ATF7IP: variants seen among roughly 807,000 people sequenced by gnomAD.
ATF7IP encodes activating transcription factor 7 interacting protein.
A neutral mutation model predicts 106.4 loss-of-function variants in ATF7IP; 23 were observed. That is an observed-to-expected ratio of 0.22 (90% confidence interval 0.16 to 0.31). The LOEUF is 0.31. Ranked by LOEUF, ATF7IP falls within the 10% of genes least tolerant of loss-of-function variation. The probability of loss-of-function intolerance (pLI) is 1.00; values close to 1 mark genes in which losing one functional copy is unlikely to be tolerated. For missense variants in ATF7IP, 1,334 were observed against 1,524.3 expected, an observed-to-expected ratio of 0.88 and a Z score of 2.08; for synonymous variants, 542 against 539.0, an observed-to-expected ratio of 1.01 and a Z score of -0.08.
rs563987058 is a variant in ATF7IP, at chr12:14,404,847, A to G, written c.-7-19062A>G. ...GACCACTGGCTTATTTGATATGATG[A>G]TTAGGAGGTTAAGAGAGTTTCCAAA... On this transcript the variant is annotated intron_variant, in intron 1 of 14. Transcript: ENST00000261168. 5.4e-5 allele frequency among the ~76,000 whole-genome samples: 8 copies of G among 148,760 alleles called. No homozygotes were observed. The East Asian group carries it at 1.6e-3, about 29-fold the overall frequency.
chr12:14,482,189 G>T (rs149619305), intron 13 of ATF7IP: 1 of 152,220 alleles, frequency 6.6e-6, no homozygotes, highest in African/African-American at 2.4e-5. Context: ...GGTAACCACT[G>T]TTCCTACTTT....
intron 6 of ATF7IP, among the ~76,000 whole-genome samples, chr12:14,455,573 T>G (rs1048596827): frequency 3.3e-5 from 5 of 152,158 alleles, no homozygotes; most frequent in Non-Finnish European, 7.4e-5. Context: ...AGAGATATTT[T>G]ATTCTTCCAT....
chr12:14,466,814 T>A (rs557500285), intron 10 of ATF7IP, among the ~76,000 whole-genome samples: 156 of 152,224 alleles, frequency 1.0e-3, no homozygotes, highest in African/African-American at 3.6e-3. Context: ...AATAATTAGT[T>A]TATTCTATTA....
At chr12:14,367,547 A>T (rs914227904) in intron 1 of ATF7IP, 1 of 152,118 alleles carries the variant, frequency 6.6e-6, no homozygotes, top group Non-Finnish European at 1.5e-5. Context: ...GAACATACAC[A>T]TAAATATTTC....
chr12:14,462,780 TA>T (rs1478325669), intron 9 of ATF7IP, among the ~76,000 whole-genome samples: 2 of 152,012 alleles, frequency 1.3e-5, no homozygotes, highest in African/African-American at 4.8e-5. Flanking sequence ...CATTAATTGG[TA>T]TAGCATTCTG....
chr12:14,465,622 A>C (rs1236402117), intron 9 of ATF7IP, among the ~76,000 whole-genome samples: 1 of 152,158 alleles, frequency 6.6e-6, no homozygotes, highest in Admixed American at 6.5e-5. Flanking sequence ...CATTCTTTTT[A>C]CTTCTGTACC....
intron 4 of ATF7IP, among the ~76,000 whole-genome samples, chr12:14,437,090 G>A (rs79118148): frequency 3.3e-5 from 5 of 152,074 alleles, no homozygotes; most frequent in African/African-American, 9.7e-5. Flanking sequence ...TTTAGAATAC[G>A]GAGTTTGAAA....
rs540690938 is a variant in ATF7IP at position 14,407,661 on chromosome 12, A to T, written c.-7-16248A>T. Among the ~76,000 whole-genome samples, 39 of 152,314 alleles carry T rather than the reference A, an allele frequency of 2.6e-4. 1 individual carries two copies. In the Middle Eastern group the frequency reaches 0.02, roughly 80 times the overall value. ...CTTTAACATTACTCCACTTTAGGCA[A>T]AGTTGAAAAATCAAAAATAGCGGTG... On this transcript the variant is annotated intron_variant, in intron 1 of 14. Coordinates refer to ENST00000261168, the MANE Select transcript of ATF7IP (RefSeq NM_018179.5).
At chr12:14,383,809 G>A (rs1343805511) in intron 1 of ATF7IP, among the ~76,000 whole-genome samples, 2 of 152,128 alleles carry the variant, frequency 1.3e-5, no homozygotes, top group East Asian at 1.9e-4. Flanking sequence ...AGAGCCTTCC[G>A]CCTTGGCCTC....
intron 1 of ATF7IP, among the ~76,000 whole-genome samples, chr12:14,416,345 A>T (rs542918214): frequency 2.0e-5 from 3 of 152,148 alleles, no homozygotes; most frequent in Non-Finnish European, 4.4e-5. Context: ...AAATGAATGA[A>T]ATTTTTATTC....
At chr12:14,456,495 A>AT (rs201098285) in intron 6 of ATF7IP, 66 bp from the exon 7 acceptor site, 692 of 1,139,798 alleles carry the variant, frequency 6.1e-4, no homozygotes, top group South Asian at 1.4e-3. Flanking sequence ...TACAGGTCTA[A>AT]TTTTTTTTTA....
intron 1 of ATF7IP, among the ~76,000 whole-genome samples, chr12:14,386,795 T>C (rs766114143): frequency 1.3e-5 from 2 of 152,162 alleles, no homozygotes; most frequent in Non-Finnish European, 2.9e-5. Context: ...CACTTATTTG[T>C]AGAACCTTGG....
rs1945070080 is a variant in ATF7IP, at chr12:14,498,223, C to G, written c.*150C>G. On this transcript the variant is annotated 3_prime_UTR_variant, in exon 15 of 15. Coordinates refer to ENST00000261168, the MANE Select transcript of ATF7IP (RefSeq NM_018179.5). Reference sequence around the variant, plus strand: ...CACTACATTTGTTTATAACCAGAAGCAAAATAAACTCAGCCCACAAAGCTA... The same window carrying G: ...CACTACATTTGTTTATAACCAGAAGGAAAATAAACTCAGCCCACAAAGCTA... 4.2e-6 allele frequency: 3 copies of G among 720,610 alleles called. No individual in the cohort carries two copies. The East Asian group carries it at 7.8e-5, about 19-fold the overall frequency. The allele number at this position is 720,610 out of a possible 1,614,324, so 44.6% of individuals were successfully genotyped here. A position where few individuals can be genotyped will look rare whatever the true frequency, so the allele number is the denominator to read the frequency against.
chr12:14,473,078 C>T (rs954188322), intron 10 of ATF7IP, among the ~76,000 whole-genome samples: 10 of 152,036 alleles, frequency 6.6e-5, no homozygotes, highest in Non-Finnish European at 1.2e-4. Context: ...ACATTTTGGT[C>T]GGAGTTTTTA....
chr12:14,478,352 A>G lies in ATF7IP; in HGVS notation c.2977A>G (p.Met993Val). Residue 993 changes from methionine (M) to valine (V), a missense_variant, in exon 12 of 15, where the codon ATG becomes GTG. Physicochemically the swap from Met to Val is conservative, Grantham distance 21. Transcript: ENST00000261168. ...KKLNHTPVST[M>V]SSSQPVSRPL... ...ACTAAATCACACTCCTGTATCAACC[A>G]TGAGTTCTTCTCAGCCTGTGTCACG... is the stretch of plus-strand genomic sequence containing the variant. 1.9e-6 allele frequency: 3 copies of G among 1,614,032 alleles called. No homozygotes were observed. Among genetic ancestry groups the G allele is most frequent in the Non-Finnish European group, 1.7e-6 (2 of 1,179,928 alleles).
intron 6 of ATF7IP, among the ~76,000 whole-genome samples, chr12:14,456,185 C>A (rs1346703441): frequency 1.3e-5 from 2 of 152,140 alleles, no homozygotes; most frequent in Non-Finnish European, 2.9e-5. Context: ...AGTAGGCATT[C>A]ACTAGCTATT....
intron 6 of ATF7IP, among the ~76,000 whole-genome samples, chr12:14,450,203 T>C (rs1228446248): frequency 6.6e-6 from 1 of 152,202 alleles, no homozygotes; most frequent in Non-Finnish European, 1.5e-5. Context: ...TCATACTATA[T>C]TGAACAGAAG....
chr12:14,501,452 T>C lies in ATF7IP; in HGVS notation c.*3379T>C, dbSNP rs1463679341. On this transcript the variant is annotated 3_prime_UTR_variant, in exon 15 of 15. Transcript: ENST00000261168. ...GTCTTAAGTGTGAGTAAGCCTCTTC[T>C]AAAAATCTTGTTCTTGCCAAGAAAT... The C allele has an allele frequency of 6.6e-6, 1 of 152,218 alleles. No homozygotes were observed. Among genetic ancestry groups the C allele is most frequent in the Non-Finnish European group, 1.5e-5 (1 of 68,032 alleles). The allele number at this position is 152,218 out of a possible 1,614,324, so 9.4% of individuals were successfully genotyped here. A position where few individuals can be genotyped will look rare whatever the true frequency, so the allele number is the denominator to read the frequency against.
rs1941476824 is a variant in ATF7IP, at chr12:14,420,907, GATGGTA to G, written c.-7-2994_-7-2989del. ...ATTCTACCATATCATTCCTACTGGTGATGGTAATGGTAAGTGACTATCCAATGTGAA... is the reference window on the plus strand; with the variant it reads ...ATTCTACCATATCATTCCTACTGGTGATGGTAAGTGACTATCCAATGTGAA... On this transcript the variant is annotated intron_variant, in intron 1 of 14. Transcript: ENST00000261168. Among the ~76,000 whole-genome samples, 4 of 152,328 alleles carry G rather than the reference GATGGTA, an allele frequency of 2.6e-5. No homozygotes were observed. In the South Asian group the frequency reaches 8.3e-4, roughly 32 times the overall value.
Sources: allele counts gnomAD v4.1 joint callset (sites outside exome capture counted in the v4.1 genomes callset), GRCh38; gene constraint gnomAD v4.1.1; transcripts MANE v1.5; gene names NCBI Gene and HGNC (gene_info 2026-07-23, HGNC 2026-07-21).